The following CPA6 variants were observed in gnomAD, a reference collection of about 807,000 sequenced individuals.
The protein encoded by CPA6 is carboxypeptidase B.
Under a neutral mutation model 63.3 loss-of-function variants are expected in CPA6, and 58 were observed. That is an observed-to-expected ratio of 0.92 (90% CI 0.74 to 1.14). The LOEUF is 1.14. CPA6 is among the 50% of genes most tolerant of loss of function. The pLI is 0.00. For missense variants in CPA6, 565 were observed against 526.6 expected, an observed-to-expected ratio of 1.07 and a Z score of -0.71; for synonymous variants, 185 against 179.0, an observed-to-expected ratio of 1.03 and a Z score of -0.27.
At chr8:67,461,049 C>CTT (rs111558015) in intron 8 of CPA6, among the ~76,000 whole-genome samples, 11,537 of 139,184 alleles carry the variant, frequency 0.083, 1,131 homozygotes, top group African/African-American at 0.24. Context: ...AATTCGATTT[C>CTT]TTTTTTTTTT....
At chr8:67,506,442 T>G (rs1011697845) in intron 6 of CPA6, among the ~76,000 whole-genome samples, 3 of 152,224 alleles carry the variant, frequency 2.0e-5, no homozygotes, top group African/African-American at 7.2e-5. Context: ...CTGGATATCT[T>G]GTAAGAAATT....
intron 8 of CPA6, among the ~76,000 whole-genome samples, chr8:67,434,820 G>A (rs11781908): frequency 0.17 from 26,086 of 152,174 alleles, 2,306 homozygotes; most frequent in Middle Eastern, 0.21. Context: ...AGGAGGGACC[G>A]CTGACAAAGG....
At chr8:67,733,068 C>A (rs540822643) in intron 1 of CPA6, among the ~76,000 whole-genome samples, 5 of 151,700 alleles carry the variant, frequency 3.3e-5, no homozygotes, top group African/African-American at 9.7e-5. Flanking sequence ...TGGTGGCGGG[C>A]ACCTGTAGTC....
At position 67,458,852 on chromosome 8, in the gene CPA6, C is replaced by T. The variant is rs551312605; in HGVS notation, c.839-24612G>A. On this transcript the variant is annotated intron_variant, in intron 8 of 10. Transcript: ENST00000297770. ...CCAATTAAAACAAGATGCCACTACA[C>T]ACCAATTTGAGTGGTCAAAATCTAG... is the stretch of plus-strand genomic sequence containing the variant. Among the ~76,000 whole-genome samples the T allele has an allele frequency of 3.3e-5, 5 of 152,346 alleles. No individual in the cohort carries two copies. In the East Asian group the frequency reaches 9.6e-4, roughly 29 times the overall value.
At chr8:67,430,902 C>T (rs1403845622) in intron 9 of CPA6, among the ~76,000 whole-genome samples, 2 of 152,092 alleles carry the variant, frequency 1.3e-5, no homozygotes, top group African/African-American at 2.4e-5. Context: ...CACTCTGTCA[C>T]CCAGGTCAGA....
At chr8:67,558,591 G>A (rs1813123560) in intron 2 of CPA6, among the ~76,000 whole-genome samples, 1 of 152,186 alleles carries the variant, frequency 6.6e-6, no homozygotes, top group African/African-American at 2.4e-5. Flanking sequence ...CTCAGAACAA[G>A]TGGGCAACAG....
intron 1 of CPA6, among the ~76,000 whole-genome samples, chr8:67,742,842 T>C (rs962706929): frequency 6.6e-6 from 1 of 152,176 alleles, no homozygotes; most frequent in Non-Finnish European, 1.5e-5. Context: ...ACTCAATAAG[T>C]AGTTTTCAAA....
At chr8:67,516,998 T>C (rs1378783870) in intron 3 of CPA6, among the ~76,000 whole-genome samples, 1 of 152,148 alleles carries the variant, frequency 6.6e-6, no homozygotes, top group Non-Finnish European at 1.5e-5. Flanking sequence ...GGTTTCACCA[T>C]GTGGAACATC....
At position 67,496,530 on chromosome 8, in the gene CPA6, TATATA is replaced by T. The variant is rs1398800134; in HGVS notation, c.636+10252_636+10256del. On this transcript the variant is annotated intron_variant, in intron 6 of 10. Coordinates refer to ENST00000297770, the MANE Select transcript of CPA6 (RefSeq NM_020361.5). ...CACCACTATATAGTTTATATATATA[TATATA>T]TATATATATATATATATATATATTT... 8.3e-5 allele frequency among the ~76,000 whole-genome samples: 11 copies of T among 131,908 alleles called. 1 individual carries two copies. The highest frequency in any genetic ancestry group is 4.5e-4 in the Admixed American group (6 of 13,202). The allele number at this position is 131,908 out of a possible 152,430, so 86.5% of individuals were successfully genotyped here.
chr8:67,605,088 T>TTTTTTTC (rs1554679370), intron 2 of CPA6, among the ~76,000 whole-genome samples: 1 of 151,480 alleles, frequency 6.6e-6, no homozygotes, highest in African/African-American at 2.4e-5. Flanking sequence ...ACGTTTTTTT[T>TTTTTTTC]TTTTTCTTTT....
At chr8:67,647,581 G>T (rs1815739905) in intron 1 of CPA6, among the ~76,000 whole-genome samples, 1 of 152,132 alleles carries the variant, frequency 6.6e-6, no homozygotes, top group African/African-American at 2.4e-5. Context: ...CAGCCTCAAG[G>T]TCTCTTAGAC....
At chr8:67,483,526 A>T (rs1308600730) in intron 8 of CPA6, 2 of 546,532 alleles carry the variant, frequency 3.7e-6, no homozygotes, top group Non-Finnish European at 6.5e-6. Flanking sequence ...TATGTATTTA[A>T]ATTTTCAGTT....
intron 2 of CPA6, among the ~76,000 whole-genome samples, chr8:67,533,278 T>C (rs753580057): frequency 5.3e-5 from 8 of 152,210 alleles, no homozygotes; most frequent in African/African-American, 1.9e-4. Context: ...AAGGGTAGAA[T>C]GAGGATGATT....
chr8:67,543,796 T>TATTATTATTATA (rs1563993379), intron 2 of CPA6, among the ~76,000 whole-genome samples: 1 of 151,274 alleles, frequency 6.6e-6, no homozygotes, highest in South Asian at 2.1e-4. Flanking sequence ...TTATTATTAT[T>TATTATTATTATA]TTTAAGAGAC....
intron 1 of CPA6, among the ~76,000 whole-genome samples, chr8:67,708,987 C>A (rs750346497): frequency 8.5e-5 from 13 of 152,068 alleles, no homozygotes; most frequent in Non-Finnish European, 1.5e-4. Flanking sequence ...TTAGAAAACA[C>A]CTGAATCTAG....
intron 2 of CPA6, among the ~76,000 whole-genome samples, chr8:67,560,293 C>T (rs994514156): frequency 6.6e-6 from 1 of 152,012 alleles, no homozygotes; most frequent in Admixed American, 6.6e-5. Flanking sequence ...TAGACATTAT[C>T]ATCATTTATG....
At chr8:67,600,780 T>C (rs1315362053) in intron 2 of CPA6, among the ~76,000 whole-genome samples, 1 of 152,220 alleles carries the variant, frequency 6.6e-6, no homozygotes, top group Non-Finnish European at 1.5e-5. Context: ...TTAATAGTTC[T>C]AGTTGAATAT....
chr8:67,482,328 T>C (rs1314826872), intron 8 of CPA6, among the ~76,000 whole-genome samples: 1 of 152,186 alleles, frequency 6.6e-6, no homozygotes, highest in Non-Finnish European at 1.5e-5. Flanking sequence ...TTTATGAGTA[T>C]GGAAAATGGC....
chr8:67,722,605 C>T (rs1817522629), intron 1 of CPA6, among the ~76,000 whole-genome samples: 1 of 152,144 alleles, frequency 6.6e-6, no homozygotes, highest in Non-Finnish European at 1.5e-5. Flanking sequence ...AACTGAGATA[C>T]TAATTTATAA....
Sources: allele counts gnomAD v4.1 joint callset (sites outside exome capture counted in the v4.1 genomes callset), GRCh38; gene constraint gnomAD v4.1.1; transcripts MANE v1.5; gene names NCBI Gene and HGNC (gene_info 2026-07-23, HGNC 2026-07-21).